Variants in DNAH10 observed in about 807,000 individuals in gnomAD.
The protein encoded by DNAH10 is axonemal beta dynein heavy chain 10.
DNAH10 carries 348 observed loss-of-function variants against 506.6 expected under a neutral mutation model. The ratio of observed to expected loss-of-function variants is 0.69; its 90% CI spans 0.63 to 0.75. The LOEUF is 0.75. DNAH10 is among the 30% of genes least tolerant of loss of function. The pLI, the probability that DNAH10 is intolerant of heterozygous loss-of-function variation, is 0.00. For synonymous variants in DNAH10, 2,059 were observed against 2,198.6 expected (o/e 0.94, Z 1.78); for missense variants, 5,179 against 5,787.1 (o/e 0.89, Z 3.41).
chr12:123,796,969 C>T, intron 13 of DNAH10, 137 bp downstream of exon 13: 2 of 710,072 alleles, frequency 2.8e-6, no homozygotes, highest in Middle Eastern at 4.5e-4. Context: ...CTCCCAGGTT[C>T]AAGCGATTCT....
In DNAH10 at chr12:123,934,897, C is replaced by T. The variant is rs570270063; in HGVS notation, c.13623+131C>T. 124 of 1,247,962 alleles carry T rather than the reference C, an allele frequency of 9.9e-5. No homozygotes were observed. In the South Asian group the frequency reaches 1.4e-3, roughly 14 times the overall value. 77.3% of individuals were successfully genotyped at this position (1,247,962 alleles called of 1,614,324 possible). On this transcript the variant is annotated intron_variant, in intron 78 of 78. Transcript: ENST00000673944. The stretch of plus-strand genomic sequence containing the variant: ...CTAAGCTTTATGGGCTGGGGAGAGT[C>T]TTGGAGCCGTGATAAAAGCTACGGA...
chr12:123,817,923 T>G (rs1237632899), intron 21 of DNAH10, among the ~76,000 whole-genome samples: 1 of 152,022 alleles, frequency 6.6e-6, no homozygotes, highest in Non-Finnish European at 1.5e-5. Flanking sequence ...GGCTTATCTC[T>G]CTGTAATATC....
At chr12:123,899,240 G>T (rs1953403352) in intron 56 of DNAH10, among the ~76,000 whole-genome samples, 1 of 152,078 alleles carries the variant, frequency 6.6e-6, no homozygotes, top group African/African-American at 2.4e-5. Flanking sequence ...GGTCTTCTTG[G>T]CCGAGCCTCT....
chr12:123,764,883 G>T (rs902667599), intron 1 of DNAH10, among the ~76,000 whole-genome samples: 1 of 152,106 alleles, frequency 6.6e-6, no homozygotes, highest in African/African-American at 2.4e-5. Context: ...GATGGCGTCG[G>T]GTGTTGGGGG....
At chr12:123,904,032 G>A (rs574144396) in intron 57 of DNAH10, among the ~76,000 whole-genome samples, 1 of 152,334 alleles carries the variant, frequency 6.6e-6, no homozygotes, top group South Asian at 2.1e-4. Context: ...CTCTGCCTCT[G>A]TGCTGCCTGT....
At chr12:123,906,312 G>A (rs896752424) in intron 57 of DNAH10, among the ~76,000 whole-genome samples, 2 of 151,920 alleles carry the variant, frequency 1.3e-5, no homozygotes, top group Non-Finnish European at 2.9e-5. Flanking sequence ...CGCGATCTCG[G>A]CTCACTGCAA....
chr12:123,801,570 C>T (rs1038160774), intron 16 of DNAH10, 138 bp downstream of exon 16: 47 of 1,109,932 alleles, frequency 4.2e-5, no homozygotes, highest in Admixed American at 5.7e-5. Flanking sequence ...ATACAAGTTG[C>T]GGAACTTAGA....
chr12:123,917,462 A>G lies in DNAH10; in HGVS notation c.11003-122A>G, dbSNP rs1954531575. ...CTAGAGTGACTTTGGTGGGCAGTGA[A>G]TCCTCGTGCCTCTGGCCTGCTGGCT... is the stretch of plus-strand genomic sequence containing the variant. On this transcript the variant is annotated intron_variant, in intron 63 of 78. Transcript: ENST00000673944. The surrounding 1 kb of genome is among the most constrained non-coding windows in gnomAD (Gnocchi z 5.6). The G allele has an allele frequency of 5.2e-6, 5 of 966,700 alleles. No homozygotes were observed. In the South Asian group the frequency reaches 8.1e-5, roughly 16 times the overall value. 59.9% of individuals were successfully genotyped at this position (966,700 alleles called of 1,614,324 possible). A position where few individuals can be genotyped will look rare whatever the true frequency, so the allele number is the denominator to read the frequency against.
Position 123,918,959 on chromosome 12 carries a change from C to T in DNAH10, c.11506+10C>T. The T allele has an allele frequency of 6.3e-7, 1 of 1,599,154 alleles. No homozygotes were observed. The highest frequency in any genetic ancestry group is 8.5e-7 in the Non-Finnish European group (1 of 1,170,928). ...AACCACGGCTGCACAGGTGAGCTCT[C>T]CCCACAGAGGAGGACATGTTAGTGT... On this transcript the variant is annotated intron_variant, in intron 65 of 78. Transcript: ENST00000673944.
In DNAH10 at chr12:123,931,974, T is replaced by A; in HGVS notation, c.13162T>A (p.Leu4388Ile). 1 of 1,613,998 alleles carries A rather than the reference T, an allele frequency of 6.2e-7. No homozygotes were observed. The highest frequency in any genetic ancestry group is 8.5e-7 in the Non-Finnish European group (1 of 1,179,902). The change falls in exon 76 of 79, where the codon TTA becomes ATA. Residue 4388 changes from leucine to isoleucine, a missense_variant. Physicochemically the swap from Leu to Ile is conservative, Grantham distance 5 (BLOSUM62 2). Transcript: ENST00000673944. ...TGGAGAAGTTGGAATGAGCAATGAG[T>A]TAGATGATGTGGCCAGGTCTCTTTT... ...LAGEVGMSNE[L>I]DDVARSLFIG...
intron 19 of DNAH10, among the ~76,000 whole-genome samples, chr12:123,809,467 G>A (rs1229056847): frequency 6.6e-6 from 1 of 152,002 alleles, no homozygotes; most frequent in Admixed American, 6.6e-5. Context: ...GCAACATGGT[G>A]AGACCCCCCC....
At position 123,935,660 on chromosome 12, in the gene DNAH10, T is replaced by C. The variant is rs1245125403; in HGVS notation, c.*179T>C. On this transcript the variant is annotated 3_prime_UTR_variant, in exon 79 of 79. Coordinates refer to ENST00000673944, the MANE Select transcript of DNAH10 (RefSeq NM_001372106.1). The stretch of plus-strand genomic sequence containing the variant: ...AAATTAACCTGAATGGTTTTGTTTT[T>C]AATACTACTTTTTAAAAGGAATTTA... 1.6e-5 allele frequency: 9 copies of C among 572,388 alleles called. No individual in the cohort carries two copies. Among genetic ancestry groups the C allele is most frequent in the Non-Finnish European group, 2.8e-6 (1 of 353,338 alleles). The allele number at this position is 572,388 out of a possible 1,614,324, so 35.5% of individuals were successfully genotyped here. A position where few individuals can be genotyped will look rare whatever the true frequency, so the allele number is the denominator to read the frequency against.
At chr12:123,851,969 C>G (rs1388261171) in intron 35 of DNAH10, among the ~76,000 whole-genome samples, 1 of 152,148 alleles carries the variant, frequency 6.6e-6, no homozygotes, top group Non-Finnish European at 1.5e-5. Flanking sequence ...GAGACAGGGT[C>G]TCTACAGCCC....
At chr12:123,842,442 G>A (rs949980299) in intron 30 of DNAH10, among the ~76,000 whole-genome samples, 1 of 152,230 alleles carries the variant, frequency 6.6e-6, no homozygotes, top group Admixed American at 6.5e-5. Flanking sequence ...AGATTAGACA[G>A]GATCCCCCGT....
rs753490955 is a variant in DNAH10, at chr12:123,784,228, T to C, written c.1230+51T>C. ...AGTCAGCTCTGTCAAAGAGATTTCA[T>C]ATGATTTAATTTCCCTTTTAAAAAT... is the stretch of plus-strand genomic sequence containing the variant. On this transcript the variant is annotated intron_variant, in intron 8 of 78. Transcript: ENST00000673944. 5.2e-6 allele frequency: 8 copies of C among 1,545,078 alleles called. No individual in the cohort carries two copies. In the South Asian group the frequency reaches 6.7e-5, roughly 13 times the overall value.
intron 24 of DNAH10, among the ~76,000 whole-genome samples, chr12:123,825,970 A>T (rs1959940945): frequency 6.6e-6 from 1 of 152,014 alleles, no homozygotes; most frequent in African/African-American, 2.4e-5. Flanking sequence ...AAAATAAAAT[A>T]AAAAATATCC....
chr12:123,914,827 A>G, intron 61 of DNAH10, 25 bp from the exon 62 acceptor site: 12 of 1,609,964 alleles, frequency 7.5e-6, no homozygotes, highest in Non-Finnish European at 8.5e-6. Flanking sequence ...AGAAAAATTC[A>G]TTTCCCAATG....
chr12:123,771,552 A>T (rs372527431), intron 2 of DNAH10, 49 bp from the exon 3 acceptor site: 63 of 1,529,872 alleles, frequency 4.1e-5, no homozygotes, highest in Middle Eastern at 1.7e-4. Flanking sequence ...TGATGGTAGG[A>T]AACCTAATTT....
At chr12:123,775,817 T>C (rs1957418185) in intron 5 of DNAH10, among the ~76,000 whole-genome samples, 1 of 152,150 alleles carries the variant, frequency 6.6e-6, no homozygotes, top group South Asian at 2.1e-4. Context: ...GAGGGCTGTA[T>C]TAGTCCATTT....
Sources: gnomAD v4.1 joint callset for allele counts (sites outside exome capture counted in the v4.1 genomes callset) on GRCh38, gnomAD v4.1.1 for gene constraint, Gnocchi (gnomAD v3.1) non-coding constraint, MANE v1.5 for transcripts, NCBI Gene and HGNC (gene_info 2026-07-23, HGNC 2026-07-21) for gene names.